The following CACNA2D3 variants were observed in gnomAD, a reference collection of about 807,000 sequenced individuals.
CACNA2D3 encodes the protein voltage-dependent calcium channel subunit alpha-2/delta-3.
A neutral mutation model predicts 160.6 loss-of-function variants in CACNA2D3; 60 were observed. The observed-to-expected ratio is 0.37, with a 90% CI of 0.30 to 0.46. CACNA2D3 has a LOEUF of 0.46. Ranked by LOEUF, CACNA2D3 falls within the 20% of genes least tolerant of loss-of-function variation. The probability of loss-of-function intolerance (pLI) is 1.00; values close to 1 mark genes in which losing one functional copy is unlikely to be tolerated. For synonymous variants in CACNA2D3, 558 were observed against 492.9 expected, an observed-to-expected ratio of 1.13 and a Z score of -1.75; for missense variants, 1,205 against 1,365.0, an observed-to-expected ratio of 0.88 and a Z score of 1.85.
chr3:54,511,835 G>C (rs1701464235), intron 5 of CACNA2D3, among the ~76,000 whole-genome samples: 2 of 152,190 alleles, frequency 1.3e-5, no homozygotes, highest in Admixed American at 1.3e-4. Flanking sequence ...AAATGGCTTA[G>C]AGAAGTTTCA....
chr3:55,027,905 G>A (rs1703598957), intron 35 of CACNA2D3, among the ~76,000 whole-genome samples: 2 of 152,140 alleles, frequency 1.3e-5, no homozygotes, highest in African/African-American at 4.8e-5. Context: ...CACTTCCCAC[G>A]GGAACAGGCT....
chr3:54,123,159 T>TGGG (rs879481202), intron 1 of CACNA2D3, among the ~76,000 whole-genome samples: 2 of 122,276 alleles, frequency 1.6e-5, no homozygotes, highest in African/African-American at 2.8e-5. Flanking sequence ...ACTTCTTTTT[T>TGGG]TGGGGGGGGG....
chr3:54,215,381 A>G (rs56876605), intron 2 of CACNA2D3, among the ~76,000 whole-genome samples: 4,039 of 152,324 alleles, frequency 0.027, 174 homozygotes, highest in African/African-American at 0.092. Flanking sequence ...TTTAAAGCAT[A>G]CAATACAGTA....
chr3:54,483,289 A>C (rs971868657), intron 4 of CACNA2D3, among the ~76,000 whole-genome samples: 1 of 152,202 alleles, frequency 6.6e-6, no homozygotes, highest in Admixed American at 6.5e-5. Flanking sequence ...AGAGCCTAAA[A>C]AAATTTTGTT....
intron 5 of CACNA2D3, among the ~76,000 whole-genome samples, chr3:54,515,446 A>G (rs1407108559): frequency 1.2e-4 from 18 of 152,216 alleles, no homozygotes; most frequent in Non-Finnish European, 2.6e-4. Context: ...CAGCTATCTG[A>G]TAAAAGGAAA....
At chr3:54,984,393 T>C (rs6790256) in intron 29 of CACNA2D3, among the ~76,000 whole-genome samples, 2,848 of 152,270 alleles carry the variant, frequency 0.019, 97 homozygotes, top group African/African-American at 0.064. Flanking sequence ...GTTCAGTCTT[T>C]TATTTTTGTT....
intron 31 of CACNA2D3, among the ~76,000 whole-genome samples, chr3:54,994,192 C>G (rs1702806541): frequency 6.6e-6 from 1 of 152,140 alleles, no homozygotes; most frequent in Non-Finnish European, 1.5e-5. Context: ...ACTCCTGTCT[C>G]TGTGTGGTGG....
intron 13 of CACNA2D3, among the ~76,000 whole-genome samples, chr3:54,787,919 C>A (rs1443171967): frequency 6.6e-6 from 1 of 152,152 alleles, no homozygotes; most frequent in Non-Finnish European, 1.5e-5. Flanking sequence ...TTCTCAGTTG[C>A]CTTCAGCTGA....
intron 2 of CACNA2D3, among the ~76,000 whole-genome samples, chr3:54,304,434 A>G (rs1703551526): frequency 6.6e-6 from 1 of 152,188 alleles, no homozygotes; most frequent in African/African-American, 2.4e-5. Context: ...AATAAATTGA[A>G]AATAGATCCC....
intron 3 of CACNA2D3, among the ~76,000 whole-genome samples, chr3:54,370,305 C>G (rs1476985529): frequency 6.6e-6 from 1 of 152,160 alleles, no homozygotes; most frequent in Non-Finnish European, 1.5e-5. Flanking sequence ...TAACACGCTT[C>G]TAAGGATTTT....
chr3:54,537,033 C>G (rs550236624), intron 5 of CACNA2D3, among the ~76,000 whole-genome samples: 2 of 152,234 alleles, frequency 1.3e-5, no homozygotes, highest in East Asian at 1.9e-4. Flanking sequence ...AACAATGACT[C>G]TCTCTTAGTC....
chr3:54,978,959 T>A (rs771728292), intron 29 of CACNA2D3, among the ~76,000 whole-genome samples: 31 of 152,380 alleles, frequency 2.0e-4, no homozygotes, highest in Non-Finnish European at 3.5e-4. Flanking sequence ...TAATTTGCTT[T>A]ATTATACTTG....
chr3:54,582,705 G>A (rs1228871833), intron 9 of CACNA2D3, among the ~76,000 whole-genome samples: 2 of 152,218 alleles, frequency 1.3e-5, no homozygotes, highest in Non-Finnish European at 2.9e-5. Context: ...GCATGAGGTA[G>A]CTGGGGGCAA....
chr3:54,805,413 A>G (rs1490815158), intron 13 of CACNA2D3, among the ~76,000 whole-genome samples: 2 of 152,232 alleles, frequency 1.3e-5, no homozygotes, highest in Non-Finnish European at 2.9e-5. Context: ...ATCAGAGAAT[A>G]CTACAAACAC....
chr3:54,887,251 C>A (rs1699948077), intron 23 of CACNA2D3, among the ~76,000 whole-genome samples: 1 of 151,874 alleles, frequency 6.6e-6, no homozygotes, highest in Non-Finnish European at 1.5e-5. Context: ...CATGGTAAAA[C>A]CCCATCTCTA....
At chr3:54,158,104 T>G (rs902211335) in intron 2 of CACNA2D3, among the ~76,000 whole-genome samples, 1 of 152,260 alleles carries the variant, frequency 6.6e-6, no homozygotes, top group Non-Finnish European at 1.5e-5. Context: ...TCCTTCAGTC[T>G]GGCTACTTAG....
At chr3:54,782,159 A>G (rs1052421595) in intron 13 of CACNA2D3, among the ~76,000 whole-genome samples, 5 of 152,208 alleles carry the variant, frequency 3.3e-5, no homozygotes, top group Non-Finnish European at 7.3e-5. Context: ...ATTTGTTTAA[A>G]TACTAGCTGG....
intron 35 of CACNA2D3, among the ~76,000 whole-genome samples, chr3:55,038,083 A>G (rs1001937852): frequency 3.9e-5 from 6 of 152,170 alleles, no homozygotes; most frequent in Non-Finnish European, 7.3e-5. Context: ...ATCCATGATA[A>G]AGCAATTGCT....
chr3:54,980,236 C>A (rs990820911), intron 29 of CACNA2D3, among the ~76,000 whole-genome samples: 12 of 152,122 alleles, frequency 7.9e-5, no homozygotes, highest in African/African-American at 2.9e-4. Context: ...TTTTCATAAA[C>A]CTTGTATAAC....
Sources: gnomAD v4.1 joint callset for allele counts (sites outside exome capture counted in the v4.1 genomes callset) on GRCh38, gnomAD v4.1.1 for gene constraint, MANE v1.5 for transcripts, NCBI Gene and HGNC (gene_info 2026-07-23, HGNC 2026-07-21) for gene names.